LAPTM4B: variants seen among roughly 807,000 people sequenced by gnomAD.
LAPTM4B encodes lysosomal-associated transmembrane protein 4B.
A neutral mutation model predicts 28.5 loss-of-function variants in LAPTM4B; 26 were observed. That is an observed-to-expected ratio of 0.91 (90% CI 0.67 to 1.27). The LOEUF (loss-of-function observed/expected upper bound fraction) is 1.27. Ranked by LOEUF, LAPTM4B falls within the 50% of genes most tolerant of loss-of-function variation. LAPTM4B has a pLI of 0.00. For synonymous variants in LAPTM4B, 109 were observed against 106.4 expected (o/e 1.02, Z -0.15); for missense variants, 288 against 285.8 (o/e 1.01, Z -0.06).
chr8:97,834,571 A>G (rs1013569374), intron 6 of LAPTM4B, among the ~76,000 whole-genome samples: 5 of 149,316 alleles, frequency 3.3e-5, no homozygotes, highest in Admixed American at 6.7e-5. Context: ...GTGTGTGTTT[A>G]TGTGTGTGTG....
intron 2 of LAPTM4B, among the ~76,000 whole-genome samples, chr8:97,812,217 GTT>G (rs1816843141): frequency 1.1e-5 from 1 of 93,314 alleles, no homozygotes; most frequent in African/African-American, 4.8e-5. Context: ...TTTTTTTTTT[GTT>G]GTTTTTTGTT....
chr8:97,839,850 A>G (rs1416996053), intron 6 of LAPTM4B, among the ~76,000 whole-genome samples: 1 of 152,232 alleles, frequency 6.6e-6, no homozygotes, highest in Non-Finnish European at 1.5e-5. Context: ...TTTACATTGT[A>G]GGAAAGGTTT....
chr8:97,819,697 T>C, intron 5 of LAPTM4B, among the ~76,000 whole-genome samples: 1 of 151,700 alleles, frequency 6.6e-6, no homozygotes, highest in East Asian at 1.9e-4. Context: ...TACATCCTTA[T>C]ATTTATGCAT....
chr8:97,833,246 A>ATCGCTTGAACCTGGGAGGT (rs1193091379), intron 6 of LAPTM4B, among the ~76,000 whole-genome samples: 3 of 151,954 alleles, frequency 2.0e-5, no homozygotes, highest in Non-Finnish European at 4.4e-5. Flanking sequence ...GGGCAGGAGA[A>ATCGCTTGAACCTGGGAGGT]TCGCTTGAAC....
At chr8:97,833,411 A>G (rs1259075565) in intron 6 of LAPTM4B, among the ~76,000 whole-genome samples, 4 of 152,202 alleles carry the variant, frequency 2.6e-5, no homozygotes, top group Non-Finnish European at 5.9e-5. Context: ...GTTATTTTTT[A>G]AAGAGTTATT....
intron 4 of LAPTM4B, among the ~76,000 whole-genome samples, chr8:97,817,445 CTTTT>C (rs753483537): frequency 6.7e-5 from 6 of 89,002 alleles, no homozygotes; most frequent in Non-Finnish European, 1.4e-4. Context: ...GCCAACTTTA[CTTTT>C]TTTTTTTTTT....
intron 1 of LAPTM4B, among the ~76,000 whole-genome samples, chr8:97,781,395 A>C (rs756722573): frequency 6.9e-6 from 1 of 144,126 alleles, no homozygotes; most frequent in Non-Finnish European, 1.5e-5. Flanking sequence ...TTCCTGCCTC[A>C]GCCTCCCAAG....
chr8:97,840,190 C>T (rs1025896572), intron 6 of LAPTM4B, among the ~76,000 whole-genome samples: 2 of 152,148 alleles, frequency 1.3e-5, no homozygotes, highest in Admixed American at 1.3e-4. Context: ...TTTAAATATC[C>T]AGTATTTACT....
chr8:97,791,303 C>T (rs1180763275), intron 1 of LAPTM4B, among the ~76,000 whole-genome samples: 3 of 152,112 alleles, frequency 2.0e-5, no homozygotes, highest in Non-Finnish European at 2.9e-5. Flanking sequence ...TTAAAATGTT[C>T]TTTAAGACAT....
At chr8:97,798,173 C>G (rs1170969960) in intron 1 of LAPTM4B, among the ~76,000 whole-genome samples, 3 of 152,104 alleles carry the variant, frequency 2.0e-5, no homozygotes, top group Non-Finnish European at 2.9e-5. Context: ...TTCGCTCTTT[C>G]AGGAAGTTCT....
chr8:97,837,195 CT>C (rs55645609), intron 6 of LAPTM4B, among the ~76,000 whole-genome samples: 81 of 136,946 alleles, frequency 5.9e-4, no homozygotes, highest in East Asian at 2.3e-3. Flanking sequence ...CCTCCTGCCA[CT>C]TTTTTTTTTT....
intron 2 of LAPTM4B, among the ~76,000 whole-genome samples, chr8:97,812,955 T>A (rs866087679): frequency 2.6e-5 from 4 of 152,334 alleles, no homozygotes; most frequent in Middle Eastern, 3.4e-3. Context: ...CTAACCAAAC[T>A]GTGTACATTT....
chr8:97,789,474 C>T lies in LAPTM4B; in HGVS notation c.99+13366C>T, dbSNP rs187799249. Among the ~76,000 whole-genome samples the T allele has an allele frequency of 1.2e-3, 186 of 152,092 alleles. 1 individual carries two copies. Among genetic ancestry groups the T allele is most frequent in the Non-Finnish European group, 1.9e-3 (127 of 67,998 alleles). ...ATCCTAGGCTCAAATGATCCTCCCT[C>T]CTCAGCCTCTGAAGTAGGTGGAACC... On this transcript the variant is annotated intron_variant, in intron 1 of 6. Transcript: ENST00000521545.
At chr8:97,832,172 C>G (rs1030681583) in intron 6 of LAPTM4B, among the ~76,000 whole-genome samples, 1 of 152,044 alleles carries the variant, frequency 6.6e-6, no homozygotes, top group Non-Finnish European at 1.5e-5. Context: ...TCTATTTTTC[C>G]CCTTTGAAAG....
intron 1 of LAPTM4B, among the ~76,000 whole-genome samples, chr8:97,790,671 C>G (rs1315388960): frequency 6.6e-6 from 1 of 152,074 alleles, no homozygotes; most frequent in African/African-American, 2.4e-5. Flanking sequence ...GTCTCAAACT[C>G]CTGATCTCAA....
At chr8:97,776,762 C>G (rs1460979950) in intron 1 of LAPTM4B, among the ~76,000 whole-genome samples, 1 of 152,010 alleles carries the variant, frequency 6.6e-6, no homozygotes, top group Admixed American at 6.6e-5. Context: ...TTCCATCTGC[C>G]CGGGGAAGCC....
intron 6 of LAPTM4B, among the ~76,000 whole-genome samples, chr8:97,834,503 G>C (rs1817232178): frequency 6.6e-6 from 1 of 151,944 alleles, no homozygotes; most frequent in Non-Finnish European, 1.5e-5. Context: ...TGGCCACTTG[G>C]AGTCTCTTCA....
intron 2 of LAPTM4B, among the ~76,000 whole-genome samples, chr8:97,809,946 A>C (rs1297285160): frequency 6.6e-6 from 1 of 152,152 alleles, no homozygotes; most frequent in Non-Finnish European, 1.5e-5. Flanking sequence ...TTTATTTTTG[A>C]GGCTGGGTCC....
At chr8:97,779,539 C>G (rs1816277163) in intron 1 of LAPTM4B, among the ~76,000 whole-genome samples, 1 of 151,674 alleles carries the variant, frequency 6.6e-6, no homozygotes, top group Non-Finnish European at 1.5e-5. Flanking sequence ...CCTGTAAGCA[C>G]TTTGGGCGGC....
Sources: gnomAD v4.1 joint callset for allele counts (sites outside exome capture counted in the v4.1 genomes callset) on GRCh38, gnomAD v4.1.1 for gene constraint, MANE v1.5 for transcripts, NCBI Gene and HGNC (gene_info 2026-07-23, HGNC 2026-07-21) for gene names.